The following TOR1AIP1 variants were observed in gnomAD, a reference collection of about 807,000 sequenced individuals.
TOR1AIP1 encodes torsin-1A-interacting protein 1.
In TOR1AIP1, 54 loss-of-function variants were observed where a neutral mutation model predicts 63.3. The observed-to-expected ratio is 0.85, with a 90% confidence interval of 0.69 to 1.07. The LOEUF (loss-of-function observed/expected upper bound fraction) is 1.07, where lower values mean the gene tolerates loss of function less well. Among genes scored for constraint, TOR1AIP1 ranks in the 50% least tolerant of loss-of-function variants. TOR1AIP1 has a pLI of 0.00. For synonymous variants in TOR1AIP1, 294 were observed against 273.5 expected (o/e 1.07, Z -0.74); for missense variants, 736 against 715.0 (o/e 1.03, Z -0.33).
intron 8 of TOR1AIP1, among the ~76,000 whole-genome samples, chr1:179,913,001 G>A (rs1648887571): frequency 6.6e-6 from 1 of 152,132 alleles, no homozygotes; most frequent in African/African-American, 2.4e-5. Context: ...AGATAACTCA[G>A]CCTCTCCACC....
intron 3 of TOR1AIP1, among the ~76,000 whole-genome samples, chr1:179,890,124 A>T (rs1308915799): frequency 6.6e-6 from 1 of 152,202 alleles, no homozygotes; most frequent in African/African-American, 2.4e-5. Context: ...TACTGCTAAC[A>T]AAAAATTCAA....
At chr1:179,889,685 C>T (rs545205161) in intron 3 of TOR1AIP1, among the ~76,000 whole-genome samples, 3 of 150,038 alleles carry the variant, frequency 2.0e-5, no homozygotes, top group South Asian at 2.1e-4. Flanking sequence ...GACAAGATCT[C>T]GCTCTGTCAT....
Position 179,882,911 on chromosome 1 carries a change from C to A in TOR1AIP1, c.409C>A (p.Gln137Lys), listed in dbSNP as rs929749059. ...CCGCCTTCAGCAGCAGCACTCAGAG[C>A]AGCCTCCGCTACAGCCGTCTCCTGT... ...TTRLQQQHSE[Q>K]PPLQPSPVMT... Residue 137 changes from glutamine to lysine, a missense_variant, in exon 1 of 10, where the codon CAG becomes AAG. Transcript: ENST00000606911. The A allele has an allele frequency of 1.2e-6, 2 of 1,613,960 alleles. No individual in the cohort carries two copies. The highest frequency in any genetic ancestry group is 2.7e-5 in the African/African-American group (2 of 74,936).
chr1:179,907,617 A>G (rs61826292), intron 6 of TOR1AIP1, among the ~76,000 whole-genome samples: 3 of 22,072 alleles, frequency 1.4e-4, no homozygotes, highest in Non-Finnish European at 3.5e-4. Context: ...ATATATATAT[A>G]TGTATATATA....
chr1:179,883,772 G>C, intron 1 of TOR1AIP1: 2 of 443,948 alleles, frequency 4.5e-6, no homozygotes, highest in South Asian at 1.6e-5. Context: ...TGAGTGTATA[G>C]TGTTAGGTAA....
chr1:179,897,731 A>C (rs1373582015), intron 3 of TOR1AIP1, among the ~76,000 whole-genome samples: 1 of 152,194 alleles, frequency 6.6e-6, no homozygotes, highest in African/African-American at 2.4e-5. Flanking sequence ...TATTACATGA[A>C]TTACACTTAG....
intron 4 of TOR1AIP1, 126 bp from the exon 5 acceptor site, chr1:179,901,176 A>G: frequency 2.0e-6 from 1 of 503,652 alleles, no homozygotes; most frequent in Non-Finnish European, 3.4e-6. Flanking sequence ...ATAAACAAAC[A>G]GTAGTTCTAT....
chr1:179,891,292 G>C (rs1648070269), intron 3 of TOR1AIP1, among the ~76,000 whole-genome samples: 1 of 152,108 alleles, frequency 6.6e-6, no homozygotes, highest in Non-Finnish European at 1.5e-5. Context: ...TGCGATCTCG[G>C]CTCACTGCAA....
intron 7 of TOR1AIP1, 86 bp downstream of exon 7, chr1:179,907,950 T>A (rs1034386910): frequency 2.2e-6 from 2 of 926,170 alleles, no homozygotes; most frequent in African/African-American, 3.6e-5. Context: ...GATGTCTTGC[T>A]CTGTCGCCCA....
chr1:179,901,347 C>T lies in TOR1AIP1; in HGVS notation c.698C>T (p.Thr233Ile), dbSNP rs1411061927. Residue 233 changes from threonine to isoleucine, a missense_variant, in exon 5 of 10, where the codon ACT (threonine) becomes ATT (isoleucine). Coordinates refer to ENST00000606911, the MANE Select transcript of TOR1AIP1 (RefSeq NM_015602.4). ...CAAGACAGCTCTCACAGCAGTGTCA[C>T]TACTGTTAAGGCCAGATCCAGGGAT... ...DDQDSSHSSV[T>I]TVKARSRDSD... The T allele has an allele frequency of 1.9e-6, 3 of 1,610,864 alleles. No individual in the cohort carries two copies. Among genetic ancestry groups the T allele is most frequent in the Non-Finnish European group, 2.5e-6 (3 of 1,178,190 alleles).
intron 3 of TOR1AIP1, among the ~76,000 whole-genome samples, chr1:179,892,733 G>A (rs1389552875): frequency 2.5e-4 from 20 of 79,326 alleles, no homozygotes; most frequent in African/African-American, 8.0e-4. Context: ...GCGAGACTCC[G>A]TCTCAAAAAA....
At chr1:179,901,906 C>G (rs550835134) in intron 5 of TOR1AIP1, among the ~76,000 whole-genome samples, 10 of 151,884 alleles carry the variant, frequency 6.6e-5, no homozygotes, top group Admixed American at 2.6e-4. Context: ...ACCCTCCCCC[C>G]CAAAAAAGAT....
chr1:179,883,031 C>T (rs1477410044), intron 1 of TOR1AIP1, 54 bp downstream of exon 1: 5 of 1,524,724 alleles, frequency 3.3e-6, no homozygotes, highest in African/African-American at 2.8e-5. Context: ...CGCGCGGGGG[C>T]GGGCGCGCGC....
intron 5 of TOR1AIP1, among the ~76,000 whole-genome samples, chr1:179,902,060 CTG>C (rs1203225923): frequency 3.8e-5 from 5 of 130,038 alleles, no homozygotes; most frequent in African/African-American, 1.5e-4. Context: ...GAGTCTCACT[CTG>C]TCACCCATGC....
At chr1:179,891,607 C>T (rs1558040028) in intron 3 of TOR1AIP1, among the ~76,000 whole-genome samples, 1 of 151,444 alleles carries the variant, frequency 6.6e-6, no homozygotes, top group African/African-American at 2.4e-5. Flanking sequence ...GCTCTATCAC[C>T]GAGGCTGGAG....
intron 2 of TOR1AIP1, among the ~76,000 whole-genome samples, chr1:179,886,424 C>G (rs993689106): frequency 6.6e-6 from 1 of 152,148 alleles, no homozygotes; most frequent in East Asian, 1.9e-4. Context: ...AGCATTGGAC[C>G]TCAGTGAAGT....
At chr1:179,898,339 C>A (rs1021699465) in intron 3 of TOR1AIP1, among the ~76,000 whole-genome samples, 1 of 151,966 alleles carries the variant, frequency 6.6e-6, no homozygotes, top group African/African-American at 2.4e-5. Context: ...TTTTGAAAAT[C>A]AAATAGCATC....
At chr1:179,917,141 C>T (rs1047908374) in intron 9 of TOR1AIP1, among the ~76,000 whole-genome samples, 8 of 152,156 alleles carry the variant, frequency 5.3e-5, no homozygotes, top group African/African-American at 9.7e-5. Context: ...ATAATAACTT[C>T]GCTTTATAAA....
At chr1:179,883,095 T>A in intron 1 of TOR1AIP1, 118 bp downstream of exon 1, 1 of 934,750 alleles carries the variant, frequency 1.1e-6, no homozygotes. Context: ...GGCTAAAGGG[T>A]ATTCCTCAGC....
Sources: allele counts gnomAD v4.1 joint callset (sites outside exome capture counted in the v4.1 genomes callset), GRCh38; gene constraint gnomAD v4.1.1; transcripts MANE v1.5; gene names NCBI Gene and HGNC (gene_info 2026-07-23, HGNC 2026-07-21).